GRK5: variants seen among roughly 807,000 people sequenced by gnomAD.
GRK5 encodes G protein-coupled receptor kinase 5.
A neutral mutation model predicts 78.4 loss-of-function variants in GRK5; 40 were observed. The observed-to-expected ratio is 0.51, with a 90% confidence interval of 0.40 to 0.66. The LOEUF (loss-of-function observed/expected upper bound fraction) is 0.66, where lower values mean the gene tolerates loss of function less well. GRK5 is among the 30% of genes least tolerant of loss of function. GRK5 has a pLI of 0.00. For missense variants in GRK5, 598 were observed against 759.9 expected, an observed-to-expected ratio of 0.79 and a Z score of 2.50; for synonymous variants, 289 against 296.8, an observed-to-expected ratio of 0.97 and a Z score of 0.27.
At chr10:119,423,391 AT>A in intron 5 of GRK5, 125 bp downstream of exon 5, 1 of 671,052 alleles carries the variant, frequency 1.5e-6, no homozygotes, top group Non-Finnish European at 2.7e-6. Context: ...CAGCCAAGTT[AT>A]ACCAACTGTT....
Position 119,207,868 on chromosome 10 carries a change from A to T in GRK5, c.-50A>T. ...GCGGCAGCAGCAGCGGCAGCACCCCAGGCGCTGACAGCCCCGCCGGCCGGC... is the reference window on the plus strand; with the variant it reads ...GCGGCAGCAGCAGCGGCAGCACCCCTGGCGCTGACAGCCCCGCCGGCCGGC... On this transcript the variant is annotated 5_prime_UTR_variant, in exon 1 of 16. Coordinates refer to ENST00000392870, the MANE Select transcript of GRK5 (RefSeq NM_005308.3). The T allele has an allele frequency of 2.0e-6, 3 of 1,534,478 alleles. No homozygotes were observed. The highest frequency in any genetic ancestry group is 2.6e-6 in the Non-Finnish European group (3 of 1,133,588).
rs1401689750 is a variant in GRK5 at position 119,394,616 on chromosome 10, TTTGGGTGTGTGGGTGTGTGTGTGG to T, written c.262-2078_262-2055del. Among the ~76,000 whole-genome samples the T allele has an allele frequency of 6.0e-3, 14 of 2,352 alleles. 4 individuals are homozygous for T. The highest frequency in any genetic ancestry group is 0.013 in the Non-Finnish European group (13 of 986). 1.5% of individuals were successfully genotyped at this position (2,352 alleles called of 152,430 possible). A position where few individuals can be genotyped will look rare whatever the true frequency, so the allele number is the denominator to read the frequency against. ...GTGTCTGTGTGTGGGCACGTGTATG[TTTGGGTGTGTGGGTGTGTGTGTGG>T]GTGTGTGTGTGGGTGTGTGTATCTG... On this transcript the variant is annotated intron_variant, in intron 3 of 15. Coordinates refer to ENST00000392870, the MANE Select transcript of GRK5 (RefSeq NM_005308.3).
At chr10:119,257,138 T>C (rs1004131317) in intron 1 of GRK5, among the ~76,000 whole-genome samples, 6 of 152,274 alleles carry the variant, frequency 3.9e-5, no homozygotes, top group African/African-American at 1.4e-4. Flanking sequence ...CATCCACTGA[T>C]GCTACCTTCG....
At chr10:119,399,606 G>T (rs552924885) in intron 4 of GRK5, among the ~76,000 whole-genome samples, 6 of 152,188 alleles carry the variant, frequency 3.9e-5, no homozygotes, top group Non-Finnish European at 1.5e-5. Flanking sequence ...TCAATTACAC[G>T]TGGGCAGCAC....
chr10:119,453,288 A>T lies in GRK5; in HGVS notation c.1674+12A>T. 1 of 1,613,718 alleles carries T rather than the reference A, an allele frequency of 6.2e-7. No homozygotes were observed. Among genetic ancestry groups the T allele is most frequent in the Non-Finnish European group, 8.5e-7 (1 of 1,179,934 alleles). ...TCTTCAAGCGGCAGGTGAGACACCC[A>T]TGCCTGGCCAGTCCTGGCATCAGCT... On this transcript the variant is annotated intron_variant, in intron 15 of 15. Transcript: ENST00000392870.
chr10:119,345,123 C>T (rs1350519305), intron 2 of GRK5, among the ~76,000 whole-genome samples: 2 of 152,054 alleles, frequency 1.3e-5, no homozygotes, highest in South Asian at 4.1e-4. Context: ...CGCCCACAAC[C>T]ACGCCTGGCT....
intron 13 of GRK5, among the ~76,000 whole-genome samples, chr10:119,448,862 A>G (rs1196814760): frequency 1.3e-5 from 2 of 152,184 alleles, no homozygotes; most frequent in East Asian, 1.9e-4. Flanking sequence ...TACATGGTCT[A>G]TAAATCATGA....
chr10:119,375,508 T>C (rs996635350), intron 2 of GRK5, among the ~76,000 whole-genome samples: 6 of 152,240 alleles, frequency 3.9e-5, no homozygotes, highest in African/African-American at 9.6e-5. Flanking sequence ...AATTGACTTA[T>C]GCAGTTTTGT....
intron 1 of GRK5, among the ~76,000 whole-genome samples, chr10:119,245,784 G>A (rs1240795593): frequency 1.3e-5 from 2 of 152,014 alleles, no homozygotes; most frequent in African/African-American, 4.8e-5. Context: ...TTGGGAGGCC[G>A]AGGCGGGCGG....
chr10:119,241,054 G>A (rs1331908738), intron 1 of GRK5, among the ~76,000 whole-genome samples: 1 of 152,136 alleles, frequency 6.6e-6, no homozygotes, highest in Non-Finnish European at 1.5e-5. Context: ...CCTTAACCGT[G>A]GACTATTGCA....
At chr10:119,344,882 C>CTTCCTTCCTTCCTTCG (rs1851054947) in intron 2 of GRK5, among the ~76,000 whole-genome samples, 1 of 123,420 alleles carries the variant, frequency 8.1e-6, no homozygotes, top group East Asian at 2.4e-4. Flanking sequence ...CCCTTCCTTC[C>CTTCCTTCCTTCCTTCG]TTCCTTCCTT....
In GRK5 at chr10:119,435,675, A is replaced by G. The variant is rs188497266; in HGVS notation, c.739-976A>G. On this transcript the variant is annotated intron_variant, in intron 8 of 15. Transcript: ENST00000392870. The stretch of plus-strand genomic sequence containing the variant: ...TCTAGGAAGTTCCAAACTTTCTCAC[A>G]TTTTCCTATCTTCTGAGCCCTTCAA... Among the ~76,000 whole-genome samples, 48 of 152,260 alleles carry G rather than the reference A, an allele frequency of 3.2e-4. No individual in the cohort carries two copies. The East Asian group carries it at 8.9e-3, about 28-fold the overall frequency.
chr10:119,421,304 C>T (rs951194555), intron 4 of GRK5, among the ~76,000 whole-genome samples: 3 of 152,238 alleles, frequency 2.0e-5, no homozygotes, highest in East Asian at 1.9e-4. Flanking sequence ...TCCCAAGAGA[C>T]TCAGCTGCCA....
intron 1 of GRK5, among the ~76,000 whole-genome samples, chr10:119,288,429 A>C (rs142040518): frequency 8.1e-4 from 124 of 152,264 alleles, no homozygotes; most frequent in Non-Finnish European, 1.7e-3. Flanking sequence ...GGTGCTTAAC[A>C]AGTAGGTATC....
intron 1 of GRK5, among the ~76,000 whole-genome samples, chr10:119,285,619 T>C (rs77285292): frequency 6.6e-6 from 1 of 152,172 alleles, no homozygotes; most frequent in African/African-American, 2.4e-5. Context: ...AACCATCAGC[T>C]CTACTCTGCT....
chr10:119,219,609 C>T (rs17098560), intron 1 of GRK5, among the ~76,000 whole-genome samples: 4,056 of 152,090 alleles, frequency 0.027, 74 homozygotes, highest in Non-Finnish European at 0.037. Context: ...CATTAGGATA[C>T]GATTCAACAT....
At chr10:119,363,123 T>G (rs1851391957) in intron 2 of GRK5, among the ~76,000 whole-genome samples, 1 of 151,620 alleles carries the variant, frequency 6.6e-6, no homozygotes, top group African/African-American at 2.4e-5. Context: ...CTACTAAAAA[T>G]ACAAAAAATT....
At chr10:119,319,775 C>T (rs775475941) in intron 1 of GRK5, among the ~76,000 whole-genome samples, 4 of 152,256 alleles carry the variant, frequency 2.6e-5, no homozygotes, top group Non-Finnish European at 5.9e-5. Context: ...TAATTCCTCT[C>T]CCTGAGCCTC....
intron 2 of GRK5, among the ~76,000 whole-genome samples, chr10:119,361,024 G>T (rs1276624505): frequency 6.6e-6 from 1 of 152,206 alleles, no homozygotes. Context: ...CTGGCTAGGT[G>T]GGCTCTGGCT....
Sources: gnomAD v4.1 joint callset for allele counts (sites outside exome capture counted in the v4.1 genomes callset) on GRCh38, gnomAD v4.1.1 for gene constraint, MANE v1.5 for transcripts, NCBI Gene and HGNC (gene_info 2026-07-23, HGNC 2026-07-21) for gene names.